FHIT: variants seen among roughly 807,000 people sequenced by gnomAD.
FHIT encodes bis(5'-adenosyl)-triphosphatase.
In FHIT, 19 loss-of-function variants were observed where a neutral mutation model predicts 17.9. The ratio of observed to expected loss-of-function variants is 1.06; its 90% CI spans 0.74 to 1.56. FHIT has a LOEUF of 1.56. FHIT is among the 40% of genes most tolerant of loss of function. The probability of loss-of-function intolerance (pLI) is 0.00; values close to 1 mark genes in which losing one functional copy is unlikely to be tolerated. For missense variants in FHIT, 248 were observed against 189.2 expected, an observed-to-expected ratio of 1.31 and a Z score of -1.82; for synonymous variants, 81 against 69.7, an observed-to-expected ratio of 1.16 and a Z score of -0.81.
intron 5 of FHIT, among the ~76,000 whole-genome samples, chr3:60,305,410 A>G (rs955584095): frequency 6.6e-6 from 1 of 152,076 alleles, no homozygotes; most frequent in Admixed American, 6.6e-5. Context: ...ACTTCCAGAG[A>G]TTCTCAATAA....
At chr3:60,413,838 A>G (rs145886847) in intron 5 of FHIT, among the ~76,000 whole-genome samples, 20 of 152,332 alleles carry the variant, frequency 1.3e-4, no homozygotes, top group African/African-American at 4.6e-4. Context: ...CCATTCACTC[A>G]TCCATTTGTT....
chr3:60,440,165 T>C (rs936882339), intron 5 of FHIT, among the ~76,000 whole-genome samples: 2 of 152,080 alleles, frequency 1.3e-5, no homozygotes, highest in Non-Finnish European at 1.5e-5. Flanking sequence ...CTTCTTGGAA[T>C]GATTTCAGGA....
At chr3:60,972,209 T>C (rs192779948) in intron 3 of FHIT, among the ~76,000 whole-genome samples, 68 of 152,320 alleles carry the variant, frequency 4.5e-4, no homozygotes, top group African/African-American at 1.3e-3. Context: ...TTCATTTACA[T>C]GATTTCAACT....
chr3:59,751,573 T>C (rs1439524748), intron 9 of FHIT: 1 of 214,540 alleles, frequency 4.7e-6, no homozygotes, highest in Non-Finnish European at 9.3e-6. Flanking sequence ...GACAAGGAAA[T>C]TGGCTATAGC....
At chr3:60,998,805 T>C (rs1029808515) in intron 3 of FHIT, among the ~76,000 whole-genome samples, 11 of 152,072 alleles carry the variant, frequency 7.2e-5, no homozygotes, top group Admixed American at 3.3e-4. Flanking sequence ...GTCAAATATA[T>C]AACACCTTCA....
intron 5 of FHIT, among the ~76,000 whole-genome samples, chr3:60,271,024 TA>T (rs1394646169): frequency 2.6e-5 from 4 of 152,194 alleles, no homozygotes; most frequent in African/African-American, 7.2e-5. Flanking sequence ...AGGTGACTAT[TA>T]CCAGAGGAAT....
At chr3:60,271,355 A>T (rs1420214437) in intron 5 of FHIT, among the ~76,000 whole-genome samples, 2 of 152,132 alleles carry the variant, frequency 1.3e-5, no homozygotes, top group Non-Finnish European at 2.9e-5. Context: ...GTGAGCTGAG[A>T]TCCCGCCACT....
intron 5 of FHIT, among the ~76,000 whole-genome samples, chr3:60,140,982 G>A (rs1267157405): frequency 6.6e-6 from 1 of 152,088 alleles, no homozygotes; most frequent in South Asian, 2.1e-4. Context: ...GGTCTAGGAT[G>A]GTTTCAGTCT....
At chr3:59,886,542 G>T (rs1231777920) in intron 8 of FHIT, among the ~76,000 whole-genome samples, 1 of 152,186 alleles carries the variant, frequency 6.6e-6, no homozygotes, top group Admixed American at 6.5e-5. Context: ...AGGGTGAAGG[G>T]GGGCTGTGTG....
intron 4 of FHIT, among the ~76,000 whole-genome samples, chr3:60,759,763 G>C (rs1179517896): frequency 1.3e-5 from 2 of 152,218 alleles, no homozygotes; most frequent in African/African-American, 4.8e-5. Context: ...AGGGGCCATG[G>C]ATGACCCAGA....
At chr3:59,890,669 G>C (rs1703816847) in intron 8 of FHIT, among the ~76,000 whole-genome samples, 3 of 152,000 alleles carry the variant, frequency 2.0e-5, no homozygotes, top group African/African-American at 7.2e-5. Context: ...TATGATCTTT[G>C]AAACACTATT....
intron 8 of FHIT, among the ~76,000 whole-genome samples, chr3:59,913,699 T>C (rs186256398): frequency 5.9e-5 from 9 of 152,336 alleles, no homozygotes; most frequent in South Asian, 2.1e-4. Context: ...CTGCGAACTA[T>C]AGTTGTTTAT....
At chr3:60,060,690 C>T (rs1200384009) in intron 5 of FHIT, among the ~76,000 whole-genome samples, 2 of 152,136 alleles carry the variant, frequency 1.3e-5, no homozygotes, top group Non-Finnish European at 2.9e-5. Context: ...GTGTCTTAGG[C>T]ATTTCCAGAT....
At chr3:60,998,727 T>C (rs1004947751) in intron 3 of FHIT, among the ~76,000 whole-genome samples, 1 of 152,144 alleles carries the variant, frequency 6.6e-6, no homozygotes, top group Admixed American at 6.5e-5. Flanking sequence ...TTTTAATGCA[T>C]TTACATTTTA....
At chr3:60,295,260 T>G (rs980120438) in intron 5 of FHIT, among the ~76,000 whole-genome samples, 10 of 152,004 alleles carry the variant, frequency 6.6e-5, no homozygotes, top group African/African-American at 2.4e-4. Flanking sequence ...AAGAAATCTC[T>G]TAAAAAATAG....
At chr3:61,112,952 G>A (rs368109405) in intron 2 of FHIT, among the ~76,000 whole-genome samples, 2 of 152,096 alleles carry the variant, frequency 1.3e-5, no homozygotes, top group South Asian at 2.1e-4. Context: ...CAAGATGGCT[G>A]TGTTTAGATG....
At chr3:60,408,169 G>A (rs1701943107) in intron 5 of FHIT, among the ~76,000 whole-genome samples, 1 of 152,154 alleles carries the variant, frequency 6.6e-6, no homozygotes, top group Non-Finnish European at 1.5e-5. Flanking sequence ...TTTCAAGGAA[G>A]CTGCCTGGAC....
intron 4 of FHIT, among the ~76,000 whole-genome samples, chr3:60,659,077 G>A (rs2040182229): frequency 6.7e-6 from 1 of 150,324 alleles, no homozygotes; most frequent in African/African-American, 2.4e-5. Flanking sequence ...TGTTCTTTCT[G>A]TAGCCCTTTG....
At chr3:60,073,743 C>G (rs1291984079) in intron 5 of FHIT, among the ~76,000 whole-genome samples, 1 of 152,012 alleles carries the variant, frequency 6.6e-6, no homozygotes, top group South Asian at 2.1e-4. Flanking sequence ...ACCTGTGGCC[C>G]TTGACTCACT....
Sources: gnomAD v4.1 joint callset for allele counts (sites outside exome capture counted in the v4.1 genomes callset) on GRCh38, gnomAD v4.1.1 for gene constraint, MANE v1.5 for transcripts, NCBI Gene and HGNC (gene_info 2026-07-23, HGNC 2026-07-21) for gene names.